The following PPP4R4 variants were observed in gnomAD, a reference collection of about 807,000 sequenced individuals.
PPP4R4 encodes serine/threonine-protein phosphatase 4 regulatory subunit 4.
In PPP4R4, 70 loss-of-function variants were observed where a neutral mutation model predicts 121.8. The observed-to-expected ratio is 0.57, with a 90% CI of 0.47 to 0.70. PPP4R4 has a LOEUF of 0.70. PPP4R4 is among the 30% of genes least tolerant of loss of function. The pLI is 0.00. For synonymous variants in PPP4R4, 348 were observed against 355.7 expected (o/e 0.98, Z 0.24); for missense variants, 875 against 1,033.6 (o/e 0.85, Z 2.10).
intron 19 of PPP4R4, among the ~76,000 whole-genome samples, chr14:94,263,700 A>G (rs1224494781): frequency 1.3e-5 from 2 of 152,228 alleles, no homozygotes; most frequent in Non-Finnish European, 2.9e-5. Context: ...GGACTTCAAG[A>G]TAACTGTGAT....
chr14:94,199,668 G>GTT (rs959293406), intron 2 of PPP4R4, among the ~76,000 whole-genome samples: 105 of 152,314 alleles, frequency 6.9e-4, no homozygotes, highest in African/African-American at 2.4e-3. Context: ...TGGAAAGGTA[G>GTT]TTTTCCCCTG....
At chr14:94,271,859 A>G (rs1894352499) in intron 23 of PPP4R4, among the ~76,000 whole-genome samples, 1 of 152,196 alleles carries the variant, frequency 6.6e-6, no homozygotes, top group South Asian at 2.1e-4. Flanking sequence ...AGTATGTCCT[A>G]TATTCCAGCA....
intron 11 of PPP4R4, 117 bp downstream of exon 11, chr14:94,242,525 G>T: frequency 2.9e-6 from 3 of 1,025,836 alleles, no homozygotes; most frequent in East Asian, 2.7e-5. Flanking sequence ...TCATGTTCTA[G>T]TCTTAAATCT....
intron 3 of PPP4R4, among the ~76,000 whole-genome samples, chr14:94,224,153 A>T (rs1031789805): frequency 1.3e-5 from 2 of 152,230 alleles, no homozygotes; most frequent in African/African-American, 4.8e-5. Context: ...GATTGAATGT[A>T]GATTCAAAGA....
At position 94,222,566 on chromosome 14, in the gene PPP4R4, A is replaced by G. The variant is rs568432303; in HGVS notation, c.295-8021A>G. On this transcript the variant is annotated intron_variant, in intron 3 of 24. Coordinates refer to ENST00000304338, the MANE Select transcript of PPP4R4 (RefSeq NM_058237.2). The stretch of plus-strand genomic sequence containing the variant: ...ATTTTTTATTACCTGTAGTATTTCC[A>G]TTTGGAATCTTTTTTTTTTTTCTGC... Among the ~76,000 whole-genome samples the G allele has an allele frequency of 2.3e-5, 3 of 132,630 alleles. No homozygotes were observed. In the East Asian group the frequency reaches 6.3e-4, roughly 28 times the overall value. 87.0% of individuals were successfully genotyped at this position (132,630 alleles called of 152,430 possible).
At chr14:94,231,375 A>C in intron 5 of PPP4R4, 60 bp downstream of exon 5, 1 of 1,398,818 alleles carries the variant, frequency 7.1e-7, no homozygotes, top group South Asian at 1.3e-5. Flanking sequence ...TTTTTTTAAA[A>C]GGTTTCTTGT....
At chr14:94,265,765 AT>A in intron 21 of PPP4R4, 28 bp from the exon 22 acceptor site, 3 of 1,493,694 alleles carry the variant, frequency 2.0e-6, no homozygotes, top group East Asian at 4.5e-5. Flanking sequence ...AACTGAATAC[AT>A]TTTTCTTTTT....
At chr14:94,231,121 T>C in intron 4 of PPP4R4, 121 bp from the exon 5 acceptor site, 1 of 738,550 alleles carries the variant, frequency 1.4e-6, no homozygotes, top group Non-Finnish European at 2.1e-6. Context: ...CTTTTTAGAA[T>C]AGTAATGAAA....
intron 7 of PPP4R4, among the ~76,000 whole-genome samples, chr14:94,235,388 C>CTTTTTTTTT (rs34881107): frequency 1.8e-4 from 9 of 50,804 alleles, no homozygotes; most frequent in African/African-American, 8.3e-4. Context: ...TCTCCTTGTT[C>CTTTTTTTTT]TTTTTTTTTT....
chr14:94,247,049 C>A (rs1247787238), intron 14 of PPP4R4, among the ~76,000 whole-genome samples: 1 of 152,068 alleles, frequency 6.6e-6, no homozygotes, highest in African/African-American at 2.4e-5. Flanking sequence ...TACATGGATG[C>A]CCTGCTATTG....
rs116347405 is a variant in PPP4R4 at position 94,275,690 on chromosome 14, T to C, written c.2597+169T>C. 7.0e-3 allele frequency among the ~76,000 whole-genome samples: 1,063 copies of C among 152,338 alleles called. 16 individuals are homozygous for C. The highest frequency in any genetic ancestry group is 0.025 in the African/African-American group (1,025 of 41,576). Reference sequence around the variant, plus strand: ...TGTGACTCTGTTATGTTAGTTTATATAGAATAACTTATATATGGCAAAGGC... The same window carrying C: ...TGTGACTCTGTTATGTTAGTTTATACAGAATAACTTATATATGGCAAAGGC... On this transcript the variant is annotated intron_variant, in intron 24 of 24. Transcript: ENST00000304338.
chr14:94,235,316 T>C (rs7142939), intron 7 of PPP4R4, among the ~76,000 whole-genome samples: 2 of 150,872 alleles, frequency 1.3e-5, no homozygotes, highest in Non-Finnish European at 3.0e-5. Context: ...CCGACTACAC[T>C]CTAATGGAAG....
At chr14:94,183,471 C>A (rs1889097878) in intron 2 of PPP4R4, among the ~76,000 whole-genome samples, 1 of 152,166 alleles carries the variant, frequency 6.6e-6, no homozygotes, top group African/African-American at 2.4e-5. Context: ...CTTGAATTCC[C>A]TGTTTTGGAA....
chr14:94,191,953 T>G (rs1889625543), intron 2 of PPP4R4, among the ~76,000 whole-genome samples: 1 of 152,114 alleles, frequency 6.6e-6, no homozygotes, highest in South Asian at 2.1e-4. Flanking sequence ...CTAGCTCTAA[T>G]CTTTACTAGT....
chr14:94,275,650 G>A lies in PPP4R4; in HGVS notation c.2597+129G>A, dbSNP rs1298413724. On this transcript the variant is annotated intron_variant, in intron 24 of 24. Transcript: ENST00000304338. ...GATGAGAAAATGTTATAAATTAAAG[G>A]GTATTATTGTCACATGTGACTCTGT... The A allele has an allele frequency of 3.8e-6, 4 of 1,059,176 alleles. No homozygotes were observed. The African/African-American group carries it at 4.8e-5, about 13-fold the overall frequency. 65.6% of individuals were successfully genotyped at this position (1,059,176 alleles called of 1,614,324 possible).
intron 2 of PPP4R4, among the ~76,000 whole-genome samples, chr14:94,203,841 A>G (rs1293530974): frequency 6.6e-6 from 1 of 152,202 alleles, no homozygotes; most frequent in Non-Finnish European, 1.5e-5. Flanking sequence ...TATCATCCTC[A>G]GTAAAATGTT....
chr14:94,272,634 G>A (rs1479996930), intron 23 of PPP4R4, among the ~76,000 whole-genome samples: 1 of 152,120 alleles, frequency 6.6e-6, no homozygotes, highest in Non-Finnish European at 1.5e-5. Context: ...CGCAATCTAT[G>A]AAATAAAGAA....
At position 94,174,489 on chromosome 14, in the gene PPP4R4, C is replaced by A; in HGVS notation, c.24C>A (p.Ala8=). 6.2e-7 allele frequency: 1 copy of A among 1,606,862 alleles called. No homozygotes were observed. MHPPPPA[A]AMDFSQNSLF... ...CCATGCATCCGCCGCCGCCCGCCGCCGCGATGGATTTCAGTCAGAACAGCC... is the reference window on the plus strand; with the variant it reads ...CCATGCATCCGCCGCCGCCCGCCGCAGCGATGGATTTCAGTCAGAACAGCC... The change falls in exon 1 of 25, where the codon GCC becomes GCA. Residue 8 remains alanine (A), a synonymous_variant. Coordinates refer to ENST00000304338, the MANE Select transcript of PPP4R4 (RefSeq NM_058237.2).
chr14:94,263,587 G>A (rs1298235043), intron 19 of PPP4R4, among the ~76,000 whole-genome samples: 1 of 152,100 alleles, frequency 6.6e-6, no homozygotes, highest in Non-Finnish European at 1.5e-5. Flanking sequence ...GAAACTGTAG[G>A]GAAGACTCTA....
Sources: allele counts gnomAD v4.1 joint callset (sites outside exome capture counted in the v4.1 genomes callset), GRCh38; gene constraint gnomAD v4.1.1; transcripts MANE v1.5; gene names NCBI Gene and HGNC (gene_info 2026-07-23, HGNC 2026-07-21).